Variants in ITGB3BP observed in about 807,000 individuals in gnomAD.
The protein encoded by ITGB3BP is centromere protein R.
ITGB3BP carries 27 observed loss-of-function variants against 29.1 expected under a neutral mutation model. The ratio of observed to expected loss-of-function variants is 0.93; its 90% CI spans 0.68 to 1.28. ITGB3BP has a LOEUF of 1.28. Among genes scored for constraint, ITGB3BP ranks in the 50% most tolerant of loss-of-function variants. ITGB3BP has a pLI of 0.00. For missense variants in ITGB3BP, 192 were observed against 200.2 expected (o/e 0.96, Z 0.25); for synonymous variants, 61 against 61.4 (o/e 0.99, Z 0.03).
upstream of ITGB3BP, among the ~76,000 whole-genome samples, chr1:63,525,204 G>T (rs1228182536): frequency 6.6e-6 from 1 of 152,026 alleles, no homozygotes; most frequent in Non-Finnish European, 1.5e-5. Context: ...TCTGACTTTC[G>T]TATTTTGAGA....
At chr1:63,527,452 C>T (rs1646614533), upstream of ITGB3BP, among the ~76,000 whole-genome samples, 1 of 150,626 alleles carries the variant, frequency 6.6e-6, no homozygotes, top group African/African-American at 2.5e-5. Flanking sequence ...TGTGCATTTC[C>T]ATTTTAAGGT....
chr1:63,449,697 C>G (rs1644836577), intron 7 of ITGB3BP: 1 of 154,470 alleles, frequency 6.5e-6, no homozygotes, highest in Admixed American at 6.6e-5. Flanking sequence ...AAATTAATGG[C>G]TTCATTTTTT....
At chr1:63,445,207 A>C (rs751693444) in intron 8 of ITGB3BP, among the ~76,000 whole-genome samples, 1 of 152,154 alleles carries the variant, frequency 6.6e-6, no homozygotes, top group African/African-American at 2.4e-5. Flanking sequence ...AATCACTTGA[A>C]TACAGGAGGT....
chr1:63,482,708 C>A (rs1045193175), intron 3 of ITGB3BP, among the ~76,000 whole-genome samples: 10 of 145,030 alleles, frequency 6.9e-5, no homozygotes, highest in African/African-American at 2.1e-4. Context: ...GCCCGGAAAG[C>A]AGTGGTGCGA....
intron 2 of ITGB3BP, among the ~76,000 whole-genome samples, chr1:63,504,409 G>A (rs1646020719): frequency 6.6e-6 from 1 of 152,000 alleles, no homozygotes. Flanking sequence ...AGGAGATTTT[G>A]GGCTGAGACG....
At chr1:63,491,466 T>C (rs568798002) in intron 2 of ITGB3BP, among the ~76,000 whole-genome samples, 1 of 152,212 alleles carries the variant, frequency 6.6e-6, no homozygotes, top group East Asian at 1.9e-4. Flanking sequence ...ACAGACAGCA[T>C]AGGATGGATC....
At chr1:63,459,570 A>T (rs36019623) in intron 4 of ITGB3BP, among the ~76,000 whole-genome samples, 36,578 of 151,986 alleles carry the variant, frequency 0.24, 5,028 homozygotes, top group Non-Finnish European at 0.32. Context: ...TATTGTTAAC[A>T]TTTTTTTAAT....
intron 4 of ITGB3BP, among the ~76,000 whole-genome samples, chr1:63,461,115 A>C (rs1012388925): frequency 6.6e-6 from 1 of 150,504 alleles, no homozygotes; most frequent in Non-Finnish European, 1.5e-5. Context: ...TTAGCCAGGC[A>C]TGGTGGCGGG....
At chr1:63,489,925 C>T (rs2271366) in intron 3 of ITGB3BP, among the ~76,000 whole-genome samples, 158 bp downstream of exon 3, 51,464 of 151,980 alleles carry the variant, frequency 0.34, 8,952 homozygotes, top group East Asian at 0.48. Flanking sequence ...CAAAAGTTTA[C>T]ATTTATGTCC....
At chr1:63,502,931 G>C (rs1476831316) in intron 2 of ITGB3BP, among the ~76,000 whole-genome samples, 12 of 152,178 alleles carry the variant, frequency 7.9e-5, no homozygotes, top group Non-Finnish European at 1.3e-4. Context: ...CATTTGGCTT[G>C]GTTCCAAGTC....
intron 2 of ITGB3BP, among the ~76,000 whole-genome samples, chr1:63,504,372 A>T (rs2100753023): frequency 6.6e-6 from 1 of 151,976 alleles, no homozygotes; most frequent in East Asian, 1.9e-4. Flanking sequence ...GTATCCTGAG[A>T]CTTTGCTGAA....
intron 4 of ITGB3BP, among the ~76,000 whole-genome samples, chr1:63,465,746 C>T (rs1645089071): frequency 6.6e-6 from 1 of 152,046 alleles, no homozygotes; most frequent in Non-Finnish European, 1.5e-5. Flanking sequence ...AACTCTACTT[C>T]ATAAATTTTG....
chr1:63,498,477 G>A (rs1488787600), intron 2 of ITGB3BP, among the ~76,000 whole-genome samples: 1 of 151,806 alleles, frequency 6.6e-6, no homozygotes, highest in African/African-American at 2.4e-5. Context: ...GGTCAAAGAA[G>A]GAATTTTTTT....
At chr1:63,487,755 T>C (rs1232125583) in intron 3 of ITGB3BP, among the ~76,000 whole-genome samples, 2 of 152,152 alleles carry the variant, frequency 1.3e-5, no homozygotes, top group East Asian at 3.8e-4. Flanking sequence ...CATCATTATG[T>C]AGTACACGAC....
chr1:63,526,706 T>G (rs1480788852), upstream of ITGB3BP, among the ~76,000 whole-genome samples: 1 of 152,262 alleles, frequency 6.6e-6, no homozygotes, highest in Admixed American at 6.5e-5. Context: ...AATGCTCTAT[T>G]TTGAATTTTA....
chr1:63,520,731 T>C (rs1178741904), intron 1 of ITGB3BP, among the ~76,000 whole-genome samples: 1 of 152,170 alleles, frequency 6.6e-6, no homozygotes, highest in Non-Finnish European at 1.5e-5. Context: ...AACTAGATCA[T>C]TACCAATATG....
chr1:63,518,338 T>A (rs982725650), intron 1 of ITGB3BP, among the ~76,000 whole-genome samples: 1 of 152,188 alleles, frequency 6.6e-6, no homozygotes, highest in East Asian at 1.9e-4. Context: ...TATGCCATCA[T>A]GCTAAGTTGT....
intron 2 of ITGB3BP, among the ~76,000 whole-genome samples, chr1:63,503,772 C>T (rs1473642469): frequency 2.0e-5 from 3 of 152,120 alleles, no homozygotes; most frequent in African/African-American, 7.2e-5. Flanking sequence ...AATAGGGAAT[C>T]GTTTCCCCAT....
rs535160899 is a variant in ITGB3BP, at chr1:63,517,860, T to C, written c.5+5269A>G. On this transcript the variant is annotated intron_variant, in intron 1 of 8. Transcript: ENST00000271002. ...CCTCAGCCTCCCAAGTAGCTGGGAC[T>C]ACAGGCACGTAACGTCACACCTTGT... is the stretch of plus-strand genomic sequence containing the variant. Among the ~76,000 whole-genome samples, 3 of 152,284 alleles carry C rather than the reference T, an allele frequency of 2.0e-5. No homozygotes were observed. The East Asian group carries it at 5.8e-4, about 29-fold the overall frequency.
Sources: gnomAD v4.1 joint callset for allele counts (sites outside exome capture counted in the v4.1 genomes callset) on GRCh38, gnomAD v4.1.1 for gene constraint, MANE v1.5 for transcripts, NCBI Gene and HGNC (gene_info 2026-07-23, HGNC 2026-07-21) for gene names.